FHIT: variants seen among roughly 807,000 people sequenced by gnomAD.
FHIT encodes bis(5'-adenosyl)-triphosphatase.
In FHIT, 19 loss-of-function variants were observed where a neutral mutation model predicts 17.9. The observed-to-expected ratio is 1.06, with a 90% CI of 0.74 to 1.56. The LOEUF is 1.56. FHIT is among the 40% of genes most tolerant of loss of function. The probability of loss-of-function intolerance (pLI) is 0.00; values close to 1 mark genes in which losing one functional copy is unlikely to be tolerated. For synonymous variants in FHIT, 81 were observed against 69.7 expected (o/e 1.16, Z -0.81); for missense variants, 248 against 189.2 (o/e 1.31, Z -1.82).
intron 5 of FHIT, among the ~76,000 whole-genome samples, chr3:60,044,790 C>A (rs1701582502): frequency 6.6e-6 from 1 of 152,024 alleles, no homozygotes; most frequent in Non-Finnish European, 1.5e-5. Context: ...CTTAGGTCAC[C>A]TTACCCTCTT....
At chr3:59,982,309 T>C (rs1309008893) in intron 7 of FHIT, among the ~76,000 whole-genome samples, 1 of 152,168 alleles carries the variant, frequency 6.6e-6, no homozygotes, top group East Asian at 1.9e-4. Flanking sequence ...ATTGTAGCTT[T>C]TGGGGCAACA....
chr3:60,027,144 C>CAAAAAAAAAAA (rs1366510677), intron 5 of FHIT, among the ~76,000 whole-genome samples: 1 of 118,148 alleles, frequency 8.5e-6, no homozygotes, highest in Non-Finnish European at 1.8e-5. Flanking sequence ...CACACACACA[C>CAAAAAAAAAAA]ACACAAAATT....
chr3:60,033,608 C>A (rs892480850), intron 5 of FHIT, among the ~76,000 whole-genome samples: 2 of 152,042 alleles, frequency 1.3e-5, no homozygotes, highest in African/African-American at 4.8e-5. Context: ...GTGTGTAGAG[C>A]TAAGAAAATA....
intron 8 of FHIT, among the ~76,000 whole-genome samples, chr3:59,831,673 G>A (rs1245773484): frequency 6.6e-6 from 1 of 152,042 alleles, no homozygotes; most frequent in African/African-American, 2.4e-5. Flanking sequence ...AACCTGCTAG[G>A]TAACTACAAC....
intron 4 of FHIT, among the ~76,000 whole-genome samples, chr3:60,546,332 G>A (rs1021626004): frequency 6.6e-6 from 1 of 151,906 alleles, no homozygotes; most frequent in African/African-American, 2.4e-5. Flanking sequence ...TTTCAGTAGT[G>A]GTTATTCGTG....
intron 4 of FHIT, among the ~76,000 whole-genome samples, chr3:60,686,542 T>A (rs1280837018): frequency 3.3e-5 from 5 of 152,018 alleles, no homozygotes; most frequent in Admixed American, 6.6e-5. Context: ...GCTTTTTTTT[T>A]AATCCTTTTT....
At chr3:60,609,187 C>G (rs112083136) in intron 4 of FHIT, among the ~76,000 whole-genome samples, 1 of 152,172 alleles carries the variant, frequency 6.6e-6, no homozygotes, top group African/African-American at 2.4e-5. Context: ...CACCTGACAG[C>G]TGCATGAACT....
chr3:60,310,375 G>C (rs1708885191), intron 5 of FHIT, among the ~76,000 whole-genome samples: 2 of 152,050 alleles, frequency 1.3e-5, no homozygotes, highest in South Asian at 2.1e-4. Context: ...AGTTACCTGG[G>C]GCAAGAAGTA....
intron 4 of FHIT, among the ~76,000 whole-genome samples, chr3:60,646,863 A>G (rs1361321404): frequency 3.9e-5 from 6 of 152,206 alleles, no homozygotes; most frequent in African/African-American, 1.4e-4. Context: ...TACTTCAAAC[A>G]ATTTACCAGA....
chr3:60,177,132 C>A (rs1476259461), intron 5 of FHIT, among the ~76,000 whole-genome samples: 1 of 151,836 alleles, frequency 6.6e-6, no homozygotes, highest in Admixed American at 6.6e-5. Context: ...AATTTATGTA[C>A]AAAACCACAA....
intron 8 of FHIT, among the ~76,000 whole-genome samples, chr3:59,786,030 A>G (rs1699274403): frequency 6.6e-6 from 1 of 152,236 alleles, no homozygotes; most frequent in Admixed American, 6.5e-5. Flanking sequence ...AGTGTCTGAC[A>G]TGCAGCATGG....
At chr3:60,756,628 A>G (rs1699429753) in intron 4 of FHIT, among the ~76,000 whole-genome samples, 2 of 152,216 alleles carry the variant, frequency 1.3e-5, no homozygotes, top group African/African-American at 4.8e-5. Context: ...GGAGGATTTG[A>G]GCAGATGTCT....
chr3:60,509,962 G>C (rs776280684), intron 5 of FHIT, among the ~76,000 whole-genome samples: 1 of 152,162 alleles, frequency 6.6e-6, no homozygotes, highest in Non-Finnish European at 1.5e-5. Flanking sequence ...AGATTCCAAT[G>C]AGTGATACAA....
intron 5 of FHIT, among the ~76,000 whole-genome samples, chr3:60,048,617 G>A (rs1006425899): frequency 1.2e-4 from 18 of 152,170 alleles, no homozygotes; most frequent in South Asian, 2.1e-4. Flanking sequence ...AAAACGCAAC[G>A]GTGGGTGAAT....
chr3:60,204,184 T>C (rs914977661), intron 5 of FHIT, among the ~76,000 whole-genome samples: 1 of 152,208 alleles, frequency 6.6e-6, no homozygotes, highest in African/African-American at 2.4e-5. Context: ...AAATAGCTCA[T>C]GTACTCCATT....
intron 7 of FHIT, among the ~76,000 whole-genome samples, chr3:59,936,504 C>T (rs1706247700): frequency 6.6e-6 from 1 of 152,098 alleles, no homozygotes. Flanking sequence ...ATTTACTGCT[C>T]CATGAATAAA....
chr3:60,073,146 T>C (rs909420863), intron 5 of FHIT, among the ~76,000 whole-genome samples: 2 of 152,228 alleles, frequency 1.3e-5, no homozygotes, highest in Non-Finnish European at 2.9e-5. Context: ...CTGATTGTGT[T>C]AGCAAGTTGC....
Position 60,534,021 on chromosome 3 carries a change from A to G in FHIT, c.103+2839T>C, listed in dbSNP as rs554719047. On this transcript the variant is annotated intron_variant, in intron 5 of 9. Transcript: ENST00000492590. ...AGGAAGATAAAAGCCCACTCCAGAC[A>G]TCTCACCATTTATTTATGAAATGTT... 5.9e-5 allele frequency among the ~76,000 whole-genome samples: 9 copies of G among 152,328 alleles called. No homozygotes were observed. In the East Asian group the frequency reaches 1.7e-3, roughly 29 times the overall value.
rs150078575 is a variant in FHIT at position 61,223,597 on chromosome 3, A to T, written c.-212-22932T>A. On this transcript the variant is annotated intron_variant, in intron 1 of 9. Coordinates refer to ENST00000492590, the MANE Select transcript of FHIT (RefSeq NM_002012.4). The stretch of plus-strand genomic sequence containing the variant: ...AAACATTTTTGCAAGGCATCCAATA[A>T]TGTGCAAAGTACACAAGAGTTGGAA... Among the ~76,000 whole-genome samples, 848 of 152,328 alleles carry T rather than the reference A, an allele frequency of 5.6e-3. 3 individuals are homozygous for T. Among genetic ancestry groups the T allele is most frequent in the African/African-American group, 0.02 (813 of 41,572 alleles).
Sources: gnomAD v4.1 joint callset for allele counts (sites outside exome capture counted in the v4.1 genomes callset) on GRCh38, gnomAD v4.1.1 for gene constraint, MANE v1.5 for transcripts, NCBI Gene and HGNC (gene_info 2026-07-23, HGNC 2026-07-21) for gene names.